The following DEAF1 variants were observed in gnomAD, a reference collection of about 807,000 sequenced individuals.
The protein encoded by DEAF1 is deformed epidermal autoregulatory factor 1 homolog.
A neutral mutation model predicts 58.9 loss-of-function variants in DEAF1; 53 were observed. The ratio of observed to expected loss-of-function variants is 0.90; its 90% CI spans 0.72 to 1.13. The LOEUF (loss-of-function observed/expected upper bound fraction) is 1.13, where lower values mean the gene tolerates loss of function less well. Among genes scored for constraint, DEAF1 ranks in the 50% most tolerant of loss-of-function variants. The pLI is 0.00. For missense variants in DEAF1, 685 were observed against 791.4 expected, an observed-to-expected ratio of 0.87 and a Z score of 1.61; for synonymous variants, 385 against 340.4, an observed-to-expected ratio of 1.13 and a Z score of -1.44.
chr11:704,248 C>T, intron 1 of DEAF1: 1 of 791,958 alleles, frequency 1.3e-6, no homozygotes, highest in Non-Finnish European at 1.7e-6. Flanking sequence ...GCCCTGGCTG[C>T]CGGGCGCCTT....
chr11:701,392 A>G (rs1861463936), intron 1 of DEAF1, among the ~76,000 whole-genome samples: 1 of 134,514 alleles, frequency 7.4e-6, no homozygotes, highest in African/African-American at 2.8e-5. Context: ...TTTGGTAGAG[A>G]CGAGACAAGG....
chr11:695,007 G>T lies in DEAF1; in HGVS notation c.41C>A (p.Ala14Asp). 3 of 1,316,468 alleles carry T rather than the reference G, an allele frequency of 2.3e-6. No individual in the cohort carries two copies. Among genetic ancestry groups the T allele is most frequent in the Non-Finnish European group, 1.9e-6 (2 of 1,028,644 alleles). 81.5% of individuals were successfully genotyped at this position (1,316,468 alleles called of 1,614,324 possible). Residue 14 changes from alanine (A) to aspartate (D), a missense_variant, in exon 1 of 12, where the codon GCT (alanine) becomes GAT (aspartate). Ala to Asp is a moderately radical substitution (Grantham distance 126). Coordinates refer to ENST00000382409, the MANE Select transcript of DEAF1 (RefSeq NM_021008.4). ...CGCGGCCGCCACCGCCGCCGCCTCA[G>T]CCAGGCCCAGCTGCTTTGCCGCCGA... ...SDSAAKQLGL[A>D]EAAAVAAAAA...
chr11:679,091 T>C (rs1860216448), intron 8 of DEAF1, among the ~76,000 whole-genome samples: 1 of 152,056 alleles, frequency 6.6e-6, no homozygotes, highest in Non-Finnish European at 1.5e-5. Flanking sequence ...GATGGGCGCA[T>C]CACGAGGTCA....
chr11:703,079 G>GCCA, intron 1 of DEAF1: 1 of 1,612,604 alleles, frequency 6.2e-7, no homozygotes, highest in Non-Finnish European at 8.5e-7. Context: ...GGCCCTCAGC[G>GCCA]CCACGCTCCT....
intron 11 of DEAF1, among the ~76,000 whole-genome samples, chr11:650,651 G>GT (rs71022945): frequency 0.023 from 3,421 of 150,042 alleles, 53 homozygotes; most frequent in Non-Finnish European, 0.035. Context: ...AGCCAAAAAG[G>GT]TTTTTTTTAA....
chr11:691,384 C>G (rs945576410), intron 2 of DEAF1, 117 bp downstream of exon 2: 2 of 946,958 alleles, frequency 2.1e-6, no homozygotes, highest in Non-Finnish European at 3.3e-6. Context: ...GCGTCCCTCC[C>G]CAGCTCACAG....
At chr11:679,639 A>C in intron 8 of DEAF1, 49 bp downstream of exon 8, 1 of 1,604,300 alleles carries the variant, frequency 6.2e-7, no homozygotes. Context: ...GTGATGTCAC[A>C]GACAGGGATA....
intron 10 of DEAF1, among the ~76,000 whole-genome samples, chr11:673,315 T>A (rs1318043608): frequency 2.0e-5 from 3 of 151,994 alleles, no homozygotes; most frequent in Admixed American, 1.3e-4. Context: ...TCACCTGAGC[T>A]CAGGAGTGTG....
intron 9 of DEAF1, chr11:678,424 C>T: frequency 2.4e-6 from 1 of 414,510 alleles, no homozygotes; most frequent in Non-Finnish European, 4.5e-6. Flanking sequence ...GAACTTCAGG[C>T]TTCACAGGCC....
upstream of DEAF1, chr11:700,144 C>G (rs965585803): frequency 1.2e-6 from 2 of 1,613,992 alleles, no homozygotes; most frequent in Non-Finnish European, 1.7e-6. Flanking sequence ...CTCACCAGCT[C>G]TCTTCAGTTC....
chr11:687,770 AC>A (rs1240236131), intron 4 of DEAF1, 140 bp downstream of exon 4: 2 of 1,073,130 alleles, frequency 1.9e-6, no homozygotes, highest in Non-Finnish European at 2.8e-6. Flanking sequence ...TGCTGGTATT[AC>A]AGGCATCAGC....
At chr11:683,747 C>A (rs1295776930) in intron 6 of DEAF1, among the ~76,000 whole-genome samples, 1 of 152,110 alleles carries the variant, frequency 6.6e-6, no homozygotes, top group East Asian at 1.9e-4. Context: ...TCTTCTAATC[C>A]ACGGGCGCAG....
upstream of DEAF1, chr11:695,300 C>A: frequency 2.2e-6 from 1 of 459,964 alleles, no homozygotes; most frequent in African/African-American, 2.1e-5. Flanking sequence ...GAGCCGAGAC[C>A]GAGTCCTGAA....
chr11:686,127 T>TAA (rs56327668), intron 5 of DEAF1, among the ~76,000 whole-genome samples: 1 of 138,374 alleles, frequency 7.2e-6, no homozygotes, highest in East Asian at 2.1e-4. Flanking sequence ...TACTGAAAAT[T>TAA]AAAAAAAAAA....
intron 10 of DEAF1, among the ~76,000 whole-genome samples, chr11:662,139 C>T (rs1859345367): frequency 6.6e-6 from 1 of 152,146 alleles, no homozygotes; most frequent in Admixed American, 6.5e-5. Context: ...ACTAGCTGGG[C>T]GCAGTAGTGC....
At chr11:681,705 C>T (rs796812087) in intron 6 of DEAF1, among the ~76,000 whole-genome samples, 6 of 152,046 alleles carry the variant, frequency 3.9e-5, no homozygotes, top group African/African-American at 9.7e-5. Context: ...CCACCACGCC[C>T]GGCCGACTTT....
At chr11:687,506 T>C (rs1368037699) in intron 4 of DEAF1, among the ~76,000 whole-genome samples, 2 of 152,236 alleles carry the variant, frequency 1.3e-5, no homozygotes, top group Non-Finnish European at 2.9e-5. Context: ...GTCGTTGTTG[T>C]TGAGACGGAG....
intron 10 of DEAF1, among the ~76,000 whole-genome samples, chr11:660,170 A>G (rs1177404134): frequency 2.6e-5 from 4 of 152,388 alleles, no homozygotes; most frequent in Middle Eastern, 3.4e-3. Context: ...AGCAACGGAA[A>G]TAAGAGAAAA....
At chr11:654,790 A>C (rs953993444) in intron 10 of DEAF1, 1 of 379,386 alleles carries the variant, frequency 2.6e-6, no homozygotes, top group Non-Finnish European at 5.3e-6. Context: ...AATAGCTTGC[A>C]CCCAGGAGGC....
Sources: allele counts gnomAD v4.1 joint callset (sites outside exome capture counted in the v4.1 genomes callset), GRCh38; gene constraint gnomAD v4.1.1; transcripts MANE v1.5; gene names NCBI Gene and HGNC (gene_info 2026-07-23, HGNC 2026-07-21).